The following BMPR1B variants were observed in gnomAD, a reference collection of about 807,000 sequenced individuals.
The protein encoded by BMPR1B is bone morphogenetic protein receptor type-1B.
Under a neutral mutation model 59.1 loss-of-function variants are expected in BMPR1B, and 12 were observed. The ratio of observed to expected loss-of-function variants is 0.20; its 90% CI spans 0.13 to 0.33. BMPR1B has a LOEUF of 0.33. BMPR1B is among the 10% of genes least tolerant of loss of function. The probability of loss-of-function intolerance (pLI) is 1.00; values close to 1 mark genes in which losing one functional copy is unlikely to be tolerated. For synonymous variants in BMPR1B, 237 were observed against 207.3 expected (o/e 1.14, Z -1.23); for missense variants, 550 against 610.9 (o/e 0.90, Z 1.05).
At chr4:94,837,075 G>A (rs1291059049) in intron 1 of BMPR1B, among the ~76,000 whole-genome samples, 3 of 143,472 alleles carry the variant, frequency 2.1e-5, no homozygotes, top group African/African-American at 5.2e-5. Context: ...TTGTAGATAT[G>A]CGGCGTTATT....
At chr4:95,092,874 G>A (rs1730094550) in intron 3 of BMPR1B, among the ~76,000 whole-genome samples, 1 of 152,070 alleles carries the variant, frequency 6.6e-6, no homozygotes, top group Non-Finnish European at 1.5e-5. Flanking sequence ...GTAATTTTTG[G>A]TGTGGAGGCA....
At chr4:94,870,183 C>G (rs529086990) in intron 1 of BMPR1B, among the ~76,000 whole-genome samples, 1 of 152,278 alleles carries the variant, frequency 6.6e-6, no homozygotes, top group South Asian at 2.1e-4. Flanking sequence ...GGGGTTCTTG[C>G]AATGTGAACT....
chr4:95,004,749 A>G (rs1722704688), intron 3 of BMPR1B, among the ~76,000 whole-genome samples: 1 of 152,152 alleles, frequency 6.6e-6, no homozygotes, highest in South Asian at 2.1e-4. Flanking sequence ...TGAAATTTAT[A>G]TCTGTGTTTA....
intron 3 of BMPR1B, among the ~76,000 whole-genome samples, chr4:95,066,062 C>T (rs985898222): frequency 6.6e-6 from 1 of 152,168 alleles, no homozygotes; most frequent in Non-Finnish European, 1.5e-5. Flanking sequence ...TCATAATTCT[C>T]AGTCTAGCCT....
chr4:94,783,342 T>C (rs1217249085), intron 1 of BMPR1B, among the ~76,000 whole-genome samples: 1 of 152,202 alleles, frequency 6.6e-6, no homozygotes, highest in Non-Finnish European at 1.5e-5. Context: ...TGGTAAACTA[T>C]CTGGCTTATA....
intron 1 of BMPR1B, among the ~76,000 whole-genome samples, chr4:94,814,959 A>T (rs962671287): frequency 6.6e-6 from 1 of 151,860 alleles, no homozygotes; most frequent in Non-Finnish European, 1.5e-5. Flanking sequence ...GCTGGAGTGC[A>T]ATGGCGCCAT....
intron 3 of BMPR1B, among the ~76,000 whole-genome samples, chr4:95,044,658 T>A (rs1725907332): frequency 6.6e-6 from 1 of 152,194 alleles, no homozygotes; most frequent in Admixed American, 6.5e-5. Flanking sequence ...TGTCGCTCGT[T>A]CAAGGGAGAA....
At chr4:94,826,285 C>A (rs1724378689) in intron 1 of BMPR1B, among the ~76,000 whole-genome samples, 1 of 152,150 alleles carries the variant, frequency 6.6e-6, no homozygotes, top group African/African-American at 2.4e-5. Context: ...TATTAAGGTT[C>A]AGAAAAGGTC....
At chr4:94,912,849 G>C (rs761993013) in intron 2 of BMPR1B, among the ~76,000 whole-genome samples, 1 of 152,076 alleles carries the variant, frequency 6.6e-6, no homozygotes, top group Non-Finnish European at 1.5e-5. Context: ...TGTAGATACA[G>C]ATCAGAAAAT....
intron 2 of BMPR1B, among the ~76,000 whole-genome samples, chr4:94,911,994 A>G (rs1192882921): frequency 6.6e-6 from 1 of 152,176 alleles, no homozygotes; most frequent in Non-Finnish European, 1.5e-5. Context: ...TTGGACTTAC[A>G]GTTCCATGTG....
At chr4:94,781,859 C>T (rs983398781) in intron 1 of BMPR1B, among the ~76,000 whole-genome samples, 6 of 152,046 alleles carry the variant, frequency 3.9e-5, no homozygotes, top group Admixed American at 1.3e-4. Context: ...TCTGTGTTAC[C>T]GGTTAACCTC....
chr4:94,958,584 G>C (rs2149063568), intron 2 of BMPR1B, among the ~76,000 whole-genome samples: 1 of 152,210 alleles, frequency 6.6e-6, no homozygotes, highest in Admixed American at 6.5e-5. Flanking sequence ...TTGGGTTAGG[G>C]ACCACCCTAA....
At position 94,816,629 on chromosome 4, in the gene BMPR1B, A is replaced by G. The variant is rs538938502; in HGVS notation, c.-183+58561A>G. Among the ~76,000 whole-genome samples the G allele has an allele frequency of 3.3e-5, 5 of 152,334 alleles. No homozygotes were observed. The East Asian group carries it at 9.6e-4, about 29-fold the overall frequency. Reference sequence around the variant, plus strand: ...TAGCTAAGGCCATTTTTCTATAGAAATTAATACAAAATGAATATATGAAAT... The same window carrying G: ...TAGCTAAGGCCATTTTTCTATAGAAGTTAATACAAAATGAATATATGAAAT... On this transcript the variant is annotated intron_variant, in intron 1 of 12. Transcript: ENST00000515059.
intron 1 of BMPR1B, among the ~76,000 whole-genome samples, chr4:94,836,477 G>A (rs1724825377): frequency 6.9e-6 from 1 of 144,192 alleles, no homozygotes. Flanking sequence ...GTATCTCATT[G>A]TGGTTTTGAT....
chr4:94,758,933 TC>T (rs1721646601), intron 1 of BMPR1B, among the ~76,000 whole-genome samples: 1 of 152,050 alleles, frequency 6.6e-6, no homozygotes, highest in African/African-American at 2.4e-5. Flanking sequence ...GGTCTCTCTC[TC>T]TCTCTCAAGA....
intron 3 of BMPR1B, among the ~76,000 whole-genome samples, chr4:95,019,223 G>A (rs920838248): frequency 7.9e-5 from 12 of 152,096 alleles, no homozygotes; most frequent in Admixed American, 2.0e-4. Context: ...AAAAACATTT[G>A]CCTCCTTAAT....
At chr4:94,880,869 C>T (rs1479840680) in intron 2 of BMPR1B, among the ~76,000 whole-genome samples, 1 of 152,076 alleles carries the variant, frequency 6.6e-6, no homozygotes, top group African/African-American at 2.4e-5. Flanking sequence ...CTTCTGATCT[C>T]AAGTGATTGG....
chr4:95,109,832 G>T (rs1731491518), intron 4 of BMPR1B, among the ~76,000 whole-genome samples: 1 of 150,900 alleles, frequency 6.6e-6, no homozygotes, highest in Non-Finnish European at 1.5e-5. Flanking sequence ...TTAGCATTAG[G>T]TGTATCTCCT....
intron 3 of BMPR1B, among the ~76,000 whole-genome samples, chr4:95,077,008 C>G (rs955763394): frequency 2.0e-5 from 3 of 151,928 alleles, no homozygotes; most frequent in Non-Finnish European, 4.4e-5. Flanking sequence ...AGCATATGCA[C>G]GTGTGTTGTC....
Sources: gnomAD v4.1 joint callset for allele counts (sites outside exome capture counted in the v4.1 genomes callset) on GRCh38, gnomAD v4.1.1 for gene constraint, MANE v1.5 for transcripts, NCBI Gene and HGNC (gene_info 2026-07-23, HGNC 2026-07-21) for gene names.